The following DOCK1 variants were observed in gnomAD, a reference collection of about 807,000 sequenced individuals.
The protein encoded by DOCK1 is dedicator of cytokinesis protein 1.
Under a neutral mutation model 262.7 loss-of-function variants are expected in DOCK1, and 138 were observed. That is an observed-to-expected ratio of 0.53 (90% CI 0.46 to 0.61). The LOEUF is 0.61. DOCK1 is among the 20% of genes least tolerant of loss of function. The pLI is 0.00. For synonymous variants in DOCK1, 866 were observed against 867.4 expected (o/e 1.00, Z 0.03); for missense variants, 1,908 against 2,370.7 (o/e 0.80, Z 4.05).
Position 127,381,983 on chromosome 10 carries a change from A to G in DOCK1, c.3807+615A>G, listed in dbSNP as rs559598193. The stretch of plus-strand genomic sequence containing the variant: ...TATGGATGGATGGATGGATGGATGG[A>G]TGGATGGATGGATGGACAAATTGCT... On this transcript the variant is annotated intron_variant, in intron 37 of 51. Transcript: ENST00000623213. Among the ~76,000 whole-genome samples, 44 of 152,204 alleles carry G rather than the reference A, an allele frequency of 2.9e-4. No homozygotes were observed. The South Asian group carries it at 9.2e-3, about 32-fold the overall frequency.
At chr10:127,058,626 G>C (rs1244336791) in intron 22 of DOCK1, among the ~76,000 whole-genome samples, 1 of 150,408 alleles carries the variant, frequency 6.6e-6, no homozygotes, top group Non-Finnish European at 1.5e-5. Flanking sequence ...CTTTTTTTAA[G>C]CATCTCATTT....
intron 1 of DOCK1, among the ~76,000 whole-genome samples, chr10:126,921,199 CAAAAA>C (rs34354732): frequency 1.8e-5 from 2 of 113,748 alleles, no homozygotes; most frequent in Non-Finnish European, 1.8e-5. Flanking sequence ...GACTCTATCT[CAAAAA>C]AAAAAAAAAA....
intron 37 of DOCK1, among the ~76,000 whole-genome samples, chr10:127,384,082 G>T (rs909953540): frequency 6.6e-6 from 1 of 152,086 alleles, no homozygotes; most frequent in African/African-American, 2.4e-5. Flanking sequence ...CCTGGTTTGT[G>T]GCACACAGCA....
intron 33 of DOCK1, among the ~76,000 whole-genome samples, chr10:127,368,486 C>T (rs1249570437): frequency 6.6e-6 from 1 of 152,038 alleles, no homozygotes; most frequent in Non-Finnish European, 1.5e-5. Flanking sequence ...CCCACCCCCT[C>T]GCCCTGTGCC....
intron 47 of DOCK1, among the ~76,000 whole-genome samples, chr10:127,428,485 ATGTGGATTGGGGTGTCG>A (rs2068970356): frequency 1.7e-5 from 2 of 116,936 alleles, no homozygotes; most frequent in Admixed American, 8.5e-5. Flanking sequence ...TTGGGGTGTC[ATGTGGATTGGGGTGTCG>A]TGTGGATTGG....
chr10:127,355,898 G>A (rs770344260), intron 32 of DOCK1, among the ~76,000 whole-genome samples: 5 of 152,210 alleles, frequency 3.3e-5, no homozygotes, highest in Non-Finnish European at 7.3e-5. Flanking sequence ...GGTTTGACAT[G>A]AGGCCCAGTT....
chr10:127,358,926 C>T (rs1042395438), intron 32 of DOCK1, among the ~76,000 whole-genome samples: 6 of 152,124 alleles, frequency 3.9e-5, no homozygotes, highest in African/African-American at 1.4e-4. Flanking sequence ...AAGAGCTCCA[C>T]GTTCTGTAAC....
At chr10:127,279,327 A>C (rs993862923) in intron 29 of DOCK1, among the ~76,000 whole-genome samples, 2 of 152,208 alleles carry the variant, frequency 1.3e-5, no homozygotes, top group African/African-American at 4.8e-5. Context: ...TAGCCATAAG[A>C]GGGCAGGTCA....
At chr10:127,101,395 T>C (rs2136186150) in intron 23 of DOCK1, among the ~76,000 whole-genome samples, 1 of 152,272 alleles carries the variant, frequency 6.6e-6, no homozygotes, top group East Asian at 1.9e-4. Context: ...CTCTGTCCTG[T>C]CTTTGTTCTG....
intron 5 of DOCK1, among the ~76,000 whole-genome samples, chr10:126,987,833 A>G (rs181203971): frequency 1.2e-4 from 18 of 152,220 alleles, no homozygotes; most frequent in African/African-American, 4.1e-4. Context: ...ATTTGGGTGT[A>G]TTACAGTGAG....
At chr10:127,183,226 T>A (rs1044187227) in intron 27 of DOCK1, among the ~76,000 whole-genome samples, 12 of 152,058 alleles carry the variant, frequency 7.9e-5, no homozygotes, top group African/African-American at 2.9e-4. Context: ...TATTTGAGGA[T>A]ACCCTATTGG....
chr10:127,085,829 A>C (rs2047163472), intron 23 of DOCK1, among the ~76,000 whole-genome samples: 2 of 152,132 alleles, frequency 1.3e-5, no homozygotes, highest in South Asian at 4.1e-4. Flanking sequence ...TAGAGAACAG[A>C]TCTAAATTAT....
At chr10:127,030,612 GT>G (rs530526332) in intron 16 of DOCK1, among the ~76,000 whole-genome samples, 40 of 152,292 alleles carry the variant, frequency 2.6e-4, no homozygotes, top group Admixed American at 2.2e-3. Context: ...AAGCTCATTT[GT>G]TTGTTGACTG....
intron 27 of DOCK1, among the ~76,000 whole-genome samples, chr10:127,231,958 A>C (rs1301874178): frequency 6.6e-6 from 1 of 152,202 alleles, no homozygotes; most frequent in East Asian, 1.9e-4. Flanking sequence ...AGCAAAACCA[A>C]GGTCCCTGCA....
chr10:127,033,853 G>A lies in DOCK1; in HGVS notation c.1912+1533G>A, dbSNP rs145579858. Reference sequence around the variant, plus strand: ...CCGTTTCTGCACTTTGCACTCTGTTGTTCTGGGCTACACTTTCCCACTGCT... The same window carrying A: ...CCGTTTCTGCACTTTGCACTCTGTTATTCTGGGCTACACTTTCCCACTGCT... On this transcript the variant is annotated intron_variant, in intron 18 of 51. Coordinates refer to ENST00000623213, the MANE Select transcript of DOCK1 (RefSeq NM_001290223.2). 7.6e-3 allele frequency among the ~76,000 whole-genome samples: 1,163 copies of A among 152,316 alleles called. 8 individuals are homozygous for A. The highest frequency in any genetic ancestry group is 0.012 in the Non-Finnish European group (838 of 68,032).
intron 29 of DOCK1, among the ~76,000 whole-genome samples, chr10:127,323,525 A>G (rs748823108): frequency 7.2e-5 from 11 of 152,214 alleles, no homozygotes; most frequent in Non-Finnish European, 1.2e-4. Context: ...TTTGTGTAAC[A>G]CCAGGCACTC....
At chr10:127,030,847 A>T (rs1447275151) in intron 16 of DOCK1, among the ~76,000 whole-genome samples, 1 of 148,446 alleles carries the variant, frequency 6.7e-6, no homozygotes, top group Non-Finnish European at 1.5e-5. Context: ...TCTCTCTGTC[A>T]CACACACACA....
At position 126,981,599 on chromosome 10, in the gene DOCK1, C is replaced by T. The variant is rs545998620; in HGVS notation, c.172-319C>T. Among the ~76,000 whole-genome samples the T allele has an allele frequency of 1.1e-3, 164 of 152,288 alleles. 1 individual carries two copies. Among genetic ancestry groups the T allele is most frequent in the African/African-American group, 3.6e-3 (151 of 41,574 alleles). ...TCATCAAAAATTGCTTTTGAGACATCAGTTGGCCTTTGTTCTGCCTGCATT... is the reference window on the plus strand; with the variant it reads ...TCATCAAAAATTGCTTTTGAGACATTAGTTGGCCTTTGTTCTGCCTGCATT... On this transcript the variant is annotated intron_variant, in intron 3 of 51. Coordinates refer to ENST00000623213, the MANE Select transcript of DOCK1 (RefSeq NM_001290223.2).
intron 31 of DOCK1, among the ~76,000 whole-genome samples, chr10:127,350,144 A>G (rs748795455): frequency 1.6e-4 from 24 of 152,220 alleles, no homozygotes; most frequent in Admixed American, 3.3e-4. Context: ...AAGGTTAAGC[A>G]TCATTTCATA....
Sources: allele counts gnomAD v4.1 joint callset (sites outside exome capture counted in the v4.1 genomes callset), GRCh38; gene constraint gnomAD v4.1.1; transcripts MANE v1.5; gene names NCBI Gene and HGNC (gene_info 2026-07-23, HGNC 2026-07-21).